The following AGBL4 variants were observed in gnomAD, a reference collection of about 807,000 sequenced individuals.
AGBL4 encodes AGBL carboxypeptidase 4.
In AGBL4, 58 loss-of-function variants were observed where a neutral mutation model predicts 66.4. That is an observed-to-expected ratio of 0.87 (90% CI 0.71 to 1.09). AGBL4 has a LOEUF of 1.09. AGBL4 is among the 50% of genes least tolerant of loss of function. The probability of loss-of-function intolerance (pLI) is 0.00; values close to 1 mark genes in which losing one functional copy is unlikely to be tolerated. For synonymous variants in AGBL4, 234 were observed against 222.9 expected (o/e 1.05, Z -0.44); for missense variants, 579 against 631.0 (o/e 0.92, Z 0.88).
chr1:49,771,952 G>T (rs1261719463), intron 2 of AGBL4, among the ~76,000 whole-genome samples: 3 of 151,976 alleles, frequency 2.0e-5, no homozygotes, highest in Admixed American at 1.3e-4. Flanking sequence ...TTTCACTGGA[G>T]AATTTATTCA....
At chr1:48,776,581 C>T (rs1451973636) in intron 6 of AGBL4, 33 of 1,386,782 alleles carry the variant, frequency 2.4e-5, no homozygotes, top group Non-Finnish European at 2.8e-5. Context: ...CGGGTCCCAC[C>T]GTCCCTCCCC....
chr1:48,550,161 G>C (rs1001450723), intron 11 of AGBL4, among the ~76,000 whole-genome samples: 7 of 151,950 alleles, frequency 4.6e-5, no homozygotes, highest in African/African-American at 1.7e-4. Context: ...TAACTATAAG[G>C]CTCGAAATTA....
At chr1:48,986,986 TAA>T (rs934862235) in intron 5 of AGBL4, among the ~76,000 whole-genome samples, 37 of 152,162 alleles carry the variant, frequency 2.4e-4, no homozygotes, top group African/African-American at 8.9e-4. Context: ...ATTAGTTATT[TAA>T]GAGTTATATT....
chr1:49,019,977 A>G (rs1663118556), intron 5 of AGBL4, among the ~76,000 whole-genome samples: 2 of 152,250 alleles, frequency 1.3e-5, no homozygotes, highest in Admixed American at 6.5e-5. Context: ...TGTGGCACAT[A>G]TACACATTCA....
chr1:49,095,322 T>A (rs550447542), intron 4 of AGBL4, among the ~76,000 whole-genome samples: 1 of 152,210 alleles, frequency 6.6e-6, no homozygotes, highest in African/African-American at 2.4e-5. Context: ...TTCACAAAAT[T>A]TGAAAAAACT....
chr1:49,680,193 G>A (rs1646663557), intron 3 of AGBL4, among the ~76,000 whole-genome samples: 1 of 151,160 alleles, frequency 6.6e-6, no homozygotes, highest in Admixed American at 6.6e-5. Flanking sequence ...TGGGACTACA[G>A]GCATGCACCA....
intron 1 of AGBL4, among the ~76,000 whole-genome samples, chr1:49,915,580 G>A (rs969121999): frequency 3.9e-5 from 6 of 152,270 alleles, no homozygotes; most frequent in Non-Finnish European, 7.3e-5. Flanking sequence ...TAAACAAAGC[G>A]GCCCACAAGC....
chr1:49,105,226 C>T (rs1055004994), intron 4 of AGBL4, among the ~76,000 whole-genome samples: 6 of 152,036 alleles, frequency 3.9e-5, no homozygotes, highest in Admixed American at 6.6e-5. Context: ...ATAGAGAGGG[C>T]GCAGTGAAAC....
chr1:48,860,896 A>C (rs1312500625), intron 6 of AGBL4, among the ~76,000 whole-genome samples: 1 of 152,228 alleles, frequency 6.6e-6, no homozygotes, highest in Non-Finnish European at 1.5e-5. Context: ...GCTAAAAATG[A>C]TACTAAACAA....
At chr1:49,527,051 T>C (rs1200261883) in intron 3 of AGBL4, among the ~76,000 whole-genome samples, 1 of 152,162 alleles carries the variant, frequency 6.6e-6, no homozygotes, top group Non-Finnish European at 1.5e-5. Flanking sequence ...GTAACATTTG[T>C]TAAGTAAATA....
intron 2 of AGBL4, among the ~76,000 whole-genome samples, chr1:49,804,970 G>A (rs1176099177): frequency 6.6e-6 from 1 of 152,122 alleles, no homozygotes; most frequent in Non-Finnish European, 1.5e-5. Flanking sequence ...CCTGACATAT[G>A]ACTCTAAAGC....
intron 2 of AGBL4, among the ~76,000 whole-genome samples, chr1:49,790,622 A>T (rs4615885): frequency 1.3e-5 from 2 of 152,226 alleles, no homozygotes; most frequent in African/African-American, 4.8e-5. Flanking sequence ...GAAAAATTAA[A>T]CAAAAAATCA....
At chr1:49,232,827 CAGAACACACAAA>C (rs1362004986) in intron 4 of AGBL4, among the ~76,000 whole-genome samples, 1 of 151,272 alleles carries the variant, frequency 6.6e-6, no homozygotes, top group African/African-American at 2.4e-5. Context: ...AAATATTTTG[CAGAACACACAAA>C]AGAACACACA....
intron 8 of AGBL4, among the ~76,000 whole-genome samples, chr1:48,636,721 G>C (rs1645673631): frequency 6.6e-6 from 1 of 152,214 alleles, no homozygotes; most frequent in African/African-American, 2.4e-5. Context: ...GACAGAGAGA[G>C]AGCCCCACAG....
chr1:49,906,513 G>A (rs373192141), intron 1 of AGBL4, among the ~76,000 whole-genome samples: 3 of 151,988 alleles, frequency 2.0e-5, no homozygotes, highest in Non-Finnish European at 2.9e-5. Flanking sequence ...CAATCCAATT[G>A]TCTTTCCTAC....
At chr1:49,660,198 T>C (rs1296087365) in intron 3 of AGBL4, among the ~76,000 whole-genome samples, 4 of 152,134 alleles carry the variant, frequency 2.6e-5, no homozygotes, top group Non-Finnish European at 1.5e-5. Flanking sequence ...TTTTTCAATC[T>C]ATCCTTCTGA....
intron 5 of AGBL4, among the ~76,000 whole-genome samples, chr1:49,042,356 G>A (rs1451760648): frequency 1.3e-5 from 2 of 152,176 alleles, no homozygotes; most frequent in African/African-American, 2.4e-5. Flanking sequence ...TCATGTTAGA[G>A]CTGAAAGCAG....
intron 3 of AGBL4, among the ~76,000 whole-genome samples, chr1:49,324,133 C>A (rs1364458669): frequency 1.3e-5 from 2 of 152,224 alleles, no homozygotes; most frequent in East Asian, 1.9e-4. Flanking sequence ...AACATCACAA[C>A]CTATTGTCAA....
intron 2 of AGBL4, among the ~76,000 whole-genome samples, chr1:49,805,360 T>C (rs552534098): frequency 3.3e-5 from 5 of 152,220 alleles, no homozygotes; most frequent in African/African-American, 9.6e-5. Flanking sequence ...AAAAGCCTGA[T>C]TGAATGGGTT....
Sources: allele counts gnomAD v4.1 joint callset (sites outside exome capture counted in the v4.1 genomes callset), GRCh38; gene constraint gnomAD v4.1.1; transcripts MANE v1.5; gene names NCBI Gene and HGNC (gene_info 2026-07-23, HGNC 2026-07-21).